SCTR: variants seen among roughly 807,000 people sequenced by gnomAD.
SCTR encodes pancreatic secretin receptor.
In SCTR, 56 loss-of-function variants were observed where a neutral mutation model predicts 60.8. The observed-to-expected ratio is 0.92, with a 90% CI of 0.74 to 1.15. SCTR has a LOEUF of 1.15. SCTR is among the 50% of genes most tolerant of loss of function. The pLI is 0.00. For synonymous variants in SCTR, 202 were observed against 217.0 expected, an observed-to-expected ratio of 0.93 and a Z score of 0.61; for missense variants, 562 against 550.4, an observed-to-expected ratio of 1.02 and a Z score of -0.21.
intron 2 of SCTR, chr2:119,486,456 T>G (rs1378750577): frequency 6.6e-6 from 1 of 152,208 alleles, no homozygotes; most frequent in Non-Finnish European, 1.5e-5. Context: ...ACCCTCCTCA[T>G]CCACCCGAGA....
In SCTR at chr2:119,523,049, A is replaced by G. The variant is rs145484878; in HGVS notation, c.72+1106T>C. 7.6e-3 allele frequency among the ~76,000 whole-genome samples: 1,154 copies of G among 152,298 alleles called. 13 individuals carry two copies. Among genetic ancestry groups the G allele is most frequent in the Non-Finnish European group, 0.011 (779 of 68,034 alleles). On this transcript the variant is annotated intron_variant, in intron 1 of 12. Coordinates refer to ENST00000019103, the MANE Select transcript of SCTR (RefSeq NM_002980.3). ...CAACACTCTGGTCGGCTCCGGGAGC[A>G]TTGGTTTTCCTTATAATCAAACCAG...
chr2:119,500,220 G>C (rs1678496218), intron 1 of SCTR, among the ~76,000 whole-genome samples: 1 of 32,074 alleles, frequency 3.1e-5, no homozygotes, highest in Non-Finnish European at 6.4e-5. Context: ...AAGACAAAAA[G>C]TACTAAATGT....
At position 119,461,909 on chromosome 2, in the gene SCTR, A is replaced by T; in HGVS notation, c.728T>A (p.Leu243His). Residue 243 changes from leucine to histidine, a missense_variant, in exon 7 of 13, where the codon CTC becomes CAC. Leu to His is a moderately conservative substitution (Grantham distance 99). Coordinates refer to ENST00000019103, the MANE Select transcript of SCTR (RefSeq NM_002980.3). Reference sequence around the variant, plus strand: ...TTCAGAGAAGAAGGAGATGGCGAGGAGTGTGTGAAGGTAGAGGCCTTCCAC... The same window carrying T: ...TTCAGAGAAGAAGGAGATGGCGAGGTGTGTGTGAAGGTAGAGGCCTTCCAC... ...LLVEGLYLHTLLAISFFSERK... is the reference protein window; with the variant it reads ...LLVEGLYLHTHLAISFFSERK... The T allele has an allele frequency of 6.2e-7, 1 of 1,614,002 alleles. No individual in the cohort carries two copies. Among genetic ancestry groups the T allele is most frequent in the East Asian group, 2.2e-5 (1 of 44,870 alleles).
At chr2:119,491,578 C>T (rs1678132690) in intron 2 of SCTR, among the ~76,000 whole-genome samples, 1 of 152,122 alleles carries the variant, frequency 6.6e-6, no homozygotes, top group African/African-American at 2.4e-5. Context: ...ATGGTGCGAT[C>T]TTGGCTCACT....
intron 4 of SCTR, among the ~76,000 whole-genome samples, chr2:119,467,692 T>C (rs565807996): frequency 4.0e-5 from 6 of 149,438 alleles, no homozygotes; most frequent in African/African-American, 1.0e-4. Context: ...CACAGAAGTA[T>C]TAGTGATAAA....
intron 1 of SCTR, among the ~76,000 whole-genome samples, chr2:119,513,619 G>A (rs1438026101): frequency 1.3e-5 from 2 of 152,100 alleles, no homozygotes; most frequent in Admixed American, 6.5e-5. Flanking sequence ...AAAATATTTA[G>A]ACCACAAACG....
chr2:119,451,689 C>A (rs1222927574), intron 9 of SCTR, among the ~76,000 whole-genome samples: 1 of 152,192 alleles, frequency 6.6e-6, no homozygotes, highest in Non-Finnish European at 1.5e-5. Context: ...AGGTCTGAAC[C>A]AGTGAAGGTG....
intron 9 of SCTR, among the ~76,000 whole-genome samples, chr2:119,450,790 T>C (rs1021516320): frequency 6.6e-6 from 1 of 152,000 alleles, no homozygotes; most frequent in Non-Finnish European, 1.5e-5. Flanking sequence ...GGCAACACAG[T>C]GAAAGCTCAT....
chr2:119,439,846 A>G lies in SCTR; in HGVS notation c.*271T>C. On this transcript the variant is annotated 3_prime_UTR_variant, in exon 13 of 13. Transcript: ENST00000019103. Reference sequence around the variant, plus strand: ...CAAAAGGATGGACAAATATAGATTGAATCTCATCCCAGGCACCATTTATTT... The same window carrying G: ...CAAAAGGATGGACAAATATAGATTGGATCTCATCCCAGGCACCATTTATTT... 2.3e-6 allele frequency: 1 copy of G among 438,996 alleles called. No individual in the cohort carries two copies. Among genetic ancestry groups the G allele is most frequent in the Non-Finnish European group, 4.1e-6 (1 of 244,908 alleles). The allele number at this position is 438,996 out of a possible 1,614,324, so 27.2% of individuals were successfully genotyped here.
At chr2:119,502,372 T>C (rs1573911626) in intron 1 of SCTR, among the ~76,000 whole-genome samples, 1 of 152,132 alleles carries the variant, frequency 6.6e-6, no homozygotes, top group South Asian at 2.1e-4. Flanking sequence ...ATAAAAGGAA[T>C]CAGAAGTCTA....
intron 2 of SCTR, among the ~76,000 whole-genome samples, chr2:119,487,760 A>C (rs760738243): frequency 1.3e-5 from 2 of 152,196 alleles, no homozygotes; most frequent in Non-Finnish European, 2.9e-5. Context: ...TGAAGAGTTA[A>C]TTTTTTATTT....
At chr2:119,516,015 G>A (rs752120486) in intron 1 of SCTR, among the ~76,000 whole-genome samples, 73 of 152,124 alleles carry the variant, frequency 4.8e-4, no homozygotes, top group East Asian at 9.6e-4. Flanking sequence ...AATCAAAGCC[G>A]CAATGAGCCA....
chr2:119,522,014 G>A (rs1003911463), intron 1 of SCTR, among the ~76,000 whole-genome samples: 3 of 152,206 alleles, frequency 2.0e-5, no homozygotes, highest in Admixed American at 6.5e-5. Flanking sequence ...ACAAGGGACC[G>A]CCGGGCGCGG....
At chr2:119,460,634 A>G (rs1292394895) in intron 7 of SCTR, among the ~76,000 whole-genome samples, 1 of 152,192 alleles carries the variant, frequency 6.6e-6, no homozygotes, top group Non-Finnish European at 1.5e-5. Flanking sequence ...CGATGATTAA[A>G]TGATACATGT....
intron 7 of SCTR, among the ~76,000 whole-genome samples, chr2:119,456,411 C>T (rs13410258): frequency 0.16 from 24,805 of 151,828 alleles, 2,168 homozygotes; most frequent in East Asian, 0.31. Context: ...GAAGGTTGAA[C>T]GAAGATATCT....
chr2:119,458,982 A>G (rs531845611), intron 7 of SCTR, among the ~76,000 whole-genome samples: 4 of 152,226 alleles, frequency 2.6e-5, no homozygotes, highest in Non-Finnish European at 5.9e-5. Flanking sequence ...TTTTCTGGAT[A>G]CAGACTCACA....
At chr2:119,507,311 AC>A (rs1678772076) in intron 1 of SCTR, among the ~76,000 whole-genome samples, 1 of 152,266 alleles carries the variant, frequency 6.6e-6, no homozygotes, top group South Asian at 2.1e-4. Flanking sequence ...TGTTAAATGT[AC>A]TAATTTTTCA....
intron 3 of SCTR, among the ~76,000 whole-genome samples, chr2:119,475,694 AAAAT>A (rs573974367): frequency 0.018 from 2,705 of 147,660 alleles, 33 homozygotes; most frequent in South Asian, 0.053. Flanking sequence ...TTATAAATAT[AAAAT>A]AAATATATAT....
intron 2 of SCTR, among the ~76,000 whole-genome samples, chr2:119,489,479 G>A (rs62158527): frequency 0.028 from 4,314 of 152,266 alleles, 77 homozygotes; most frequent in Middle Eastern, 0.048. Flanking sequence ...GAAAGAAGGC[G>A]ACACTGTAGC....
Sources: gnomAD v4.1 joint callset for allele counts (sites outside exome capture counted in the v4.1 genomes callset) on GRCh38, gnomAD v4.1.1 for gene constraint, MANE v1.5 for transcripts, NCBI Gene and HGNC (gene_info 2026-07-23, HGNC 2026-07-21) for gene names.